Variants in MARCHF3 observed in about 807,000 individuals in gnomAD.
MARCHF3 encodes E3 ubiquitin-protein ligase MARCHF3.
In MARCHF3, 13 loss-of-function variants were observed where a neutral mutation model predicts 24.2. The ratio of observed to expected loss-of-function variants is 0.54; its 90% CI spans 0.35 to 0.85. The LOEUF (loss-of-function observed/expected upper bound fraction) is 0.85, where lower values mean the gene tolerates loss of function less well. Among genes scored for constraint, MARCHF3 ranks in the 40% least tolerant of loss-of-function variants. MARCHF3 has a pLI of 0.01. For synonymous variants in MARCHF3, 144 were observed against 137.3 expected, an observed-to-expected ratio of 1.05 and a Z score of -0.34; for missense variants, 276 against 325.0, an observed-to-expected ratio of 0.85 and a Z score of 1.16.
chr5:126,912,788 G>A (rs937975582), intron 3 of MARCHF3, among the ~76,000 whole-genome samples: 10 of 152,192 alleles, frequency 6.6e-5, no homozygotes, highest in Non-Finnish European at 1.0e-4. Flanking sequence ...AGTTCATTTC[G>A]CCATGGGATG....
chr5:127,007,453 T>C (rs867016677), intron 1 of MARCHF3, among the ~76,000 whole-genome samples: 9 of 152,094 alleles, frequency 5.9e-5, no homozygotes, highest in African/African-American at 1.4e-4. Context: ...TTATAGAAGT[T>C]ATTCTTCATG....
At chr5:126,936,202 C>T (rs1749641590) in intron 1 of MARCHF3, among the ~76,000 whole-genome samples, 1 of 152,064 alleles carries the variant, frequency 6.6e-6, no homozygotes, top group African/African-American at 2.4e-5. Context: ...TGTGCTTTTC[C>T]TTTTAGAAAC....
intron 1 of MARCHF3, among the ~76,000 whole-genome samples, chr5:127,005,190 A>G (rs1752266679): frequency 7.0e-6 from 1 of 143,288 alleles, no homozygotes; most frequent in Non-Finnish European, 1.5e-5. Flanking sequence ...AGGCTGGAAT[A>G]CAGTGGCACG....
chr5:126,885,990 GTA>G (rs150937892), intron 3 of MARCHF3, among the ~76,000 whole-genome samples: 13,378 of 147,194 alleles, frequency 0.091, 1,300 homozygotes, highest in African/African-American at 0.25. Flanking sequence ...CAATTACTAT[GTA>G]TATATATATA....
chr5:126,962,426 G>T (rs1457942516), intron 1 of MARCHF3, among the ~76,000 whole-genome samples: 2 of 152,082 alleles, frequency 1.3e-5, no homozygotes, highest in East Asian at 3.9e-4. Context: ...GTGTGTGTGT[G>T]TATGTGTGTG....
At chr5:126,872,853 G>C (rs1422628605) in intron 4 of MARCHF3, among the ~76,000 whole-genome samples, 1 of 152,058 alleles carries the variant, frequency 6.6e-6, no homozygotes, top group Non-Finnish European at 1.5e-5. Context: ...GGATCAGTTT[G>C]GTTTTTTTTT....
At chr5:127,014,982 T>C (rs1404595801) in intron 1 of MARCHF3, among the ~76,000 whole-genome samples, 2 of 152,186 alleles carry the variant, frequency 1.3e-5, no homozygotes, top group Middle Eastern at 3.2e-3. Flanking sequence ...ATATTAAATG[T>C]TCCCAACACA....
At chr5:126,930,538 G>A (rs1749447339) in intron 1 of MARCHF3, among the ~76,000 whole-genome samples, 1 of 152,218 alleles carries the variant, frequency 6.6e-6, no homozygotes, top group Non-Finnish European at 1.5e-5. Flanking sequence ...AGGTCATCAT[G>A]CCTGTATAGC....
intron 1 of MARCHF3, among the ~76,000 whole-genome samples, chr5:126,998,789 A>G (rs932748458): frequency 2.0e-5 from 3 of 152,194 alleles, no homozygotes; most frequent in African/African-American, 7.2e-5. Flanking sequence ...GTCAATCCCC[A>G]GGACATGCCA....
rs902801045 is a variant in MARCHF3, at chr5:126,870,349, T to C, written c.*284A>G. Reference sequence around the variant, plus strand: ...ATCCGTAGCAGGACAACCTTCCTCATACGTTAAAGAGGTGTTCAGAAAATT... The same window carrying C: ...ATCCGTAGCAGGACAACCTTCCTCACACGTTAAAGAGGTGTTCAGAAAATT... On this transcript the variant is annotated 3_prime_UTR_variant, in exon 5 of 5. Transcript: ENST00000308660. The C allele has an allele frequency of 1.5e-5, 4 of 260,822 alleles. No homozygotes were observed. Among genetic ancestry groups the C allele is most frequent in the Non-Finnish European group, 2.2e-5 (3 of 135,280 alleles). The allele number at this position is 260,822 out of a possible 1,614,324, so 16.2% of individuals were successfully genotyped here. A position where few individuals can be genotyped will look rare whatever the true frequency, so the allele number is the denominator to read the frequency against.
At chr5:126,966,747 T>A (rs1262551997) in intron 1 of MARCHF3, among the ~76,000 whole-genome samples, 1 of 151,896 alleles carries the variant, frequency 6.6e-6, no homozygotes, top group Non-Finnish European at 1.5e-5. Flanking sequence ...ATTAGGAATA[T>A]CAAAAGTTGT....
rs562820546 is a variant in MARCHF3, at chr5:126,969,523, G to A, written c.-56-51296C>T. Among the ~76,000 whole-genome samples, 51 of 152,282 alleles carry A rather than the reference G, an allele frequency of 3.3e-4. 1 individual carries two copies. Among genetic ancestry groups the A allele is most frequent in the African/African-American group, 1.2e-3 (48 of 41,566 alleles). On this transcript the variant is annotated intron_variant, in intron 1 of 4. Transcript: ENST00000308660. ...CATTTTCTATGTATAGAGCCCCACAGTTCTAACACAGGTATTTGGAAATGT... is the reference window on the plus strand; with the variant it reads ...CATTTTCTATGTATAGAGCCCCACAATTCTAACACAGGTATTTGGAAATGT...
intron 1 of MARCHF3, among the ~76,000 whole-genome samples, chr5:126,956,693 C>CA (rs1359289306): frequency 4.6e-5 from 4 of 86,914 alleles, no homozygotes; most frequent in South Asian, 4.0e-4. Flanking sequence ...ACAACAAAAA[C>CA]AAAAAAACAA....
chr5:126,933,445 CTTTTT>C (rs1452737485), intron 1 of MARCHF3, among the ~76,000 whole-genome samples: 1 of 137,956 alleles, frequency 7.2e-6, no homozygotes, highest in Non-Finnish European at 1.6e-5. Context: ...TTTGGTATCT[CTTTTT>C]TTTTTTTTTT....
chr5:126,907,673 G>A (rs1754350816), intron 3 of MARCHF3, among the ~76,000 whole-genome samples: 1 of 144,448 alleles, frequency 6.9e-6, no homozygotes, highest in Non-Finnish European at 1.5e-5. Context: ...CATTTGCTTG[G>A]TAGATCTTCC....
At chr5:126,874,202 C>T (rs867765523) in intron 4 of MARCHF3, among the ~76,000 whole-genome samples, 3 of 152,146 alleles carry the variant, frequency 2.0e-5, no homozygotes, top group East Asian at 1.9e-4. Flanking sequence ...GAGTTGTGAT[C>T]GCATGAATAT....
At chr5:127,002,885 G>A (rs964815551) in intron 1 of MARCHF3, among the ~76,000 whole-genome samples, 2 of 152,132 alleles carry the variant, frequency 1.3e-5, no homozygotes, top group African/African-American at 4.8e-5. Flanking sequence ...GAGTTAAGAC[G>A]AAATGAATTT....
intron 3 of MARCHF3, among the ~76,000 whole-genome samples, chr5:126,913,853 C>A (rs1321776665): frequency 6.6e-6 from 1 of 152,046 alleles, no homozygotes; most frequent in Non-Finnish European, 1.5e-5. Flanking sequence ...CAGGGCTTCA[C>A]TGAGTTAGCT....
intron 1 of MARCHF3, among the ~76,000 whole-genome samples, chr5:126,962,645 C>T (rs1473077187): frequency 6.6e-6 from 1 of 151,948 alleles, no homozygotes; most frequent in Non-Finnish European, 1.5e-5. Context: ...AAGTTAATGT[C>T]AGGCTATGTG....
Sources: allele counts gnomAD v4.1 joint callset (sites outside exome capture counted in the v4.1 genomes callset), GRCh38; gene constraint gnomAD v4.1.1; transcripts MANE v1.5; gene names NCBI Gene and HGNC (gene_info 2026-07-23, HGNC 2026-07-21).